The following FANK1 variants were observed in gnomAD, a reference collection of about 807,000 sequenced individuals.
The protein encoded by FANK1 is fibronectin type 3 and ankyrin repeat domains protein 1.
In FANK1, 44 loss-of-function variants were observed where a neutral mutation model predicts 45.3. The ratio of observed to expected loss-of-function variants is 0.97; its 90% CI spans 0.76 to 1.25. FANK1 has a LOEUF of 1.25. Among genes scored for constraint, FANK1 ranks in the 50% most tolerant of loss-of-function variants. FANK1 has a pLI of 0.00. For synonymous variants in FANK1, 149 were observed against 152.5 expected (o/e 0.98, Z 0.17); for missense variants, 391 against 424.4 (o/e 0.92, Z 0.69).
intron 1 of FANK1, among the ~76,000 whole-genome samples, chr10:125,960,619 C>T (rs11244728): frequency 0.37 from 55,699 of 152,020 alleles, 10,668 homozygotes; most frequent in Non-Finnish European, 0.44. Flanking sequence ...CTCCACCTCC[C>T]GGGTTCATGT....
At chr10:125,953,114 C>G (rs958133278) in intron 1 of FANK1, among the ~76,000 whole-genome samples, 2 of 152,194 alleles carry the variant, frequency 1.3e-5, no homozygotes, top group African/African-American at 2.4e-5. Flanking sequence ...GAGTTTGGGT[C>G]AGTAGGACTG....
intron 6 of FANK1, among the ~76,000 whole-genome samples, chr10:126,003,726 A>G (rs1281795875): frequency 6.6e-6 from 1 of 151,736 alleles, no homozygotes; most frequent in African/African-American, 2.4e-5. Context: ...CCCAGGTTGG[A>G]GTGCAGTGGC....
chr10:125,966,179 T>C (rs1259177176), intron 1 of FANK1, among the ~76,000 whole-genome samples: 1 of 152,212 alleles, frequency 6.6e-6, no homozygotes, highest in African/African-American at 2.4e-5. Context: ...ACTAGCAAAG[T>C]AGAGGAAAGC....
At chr10:125,988,917 T>G in intron 3 of FANK1, 1 of 626,370 alleles carries the variant, frequency 1.6e-6, no homozygotes, top group Non-Finnish European at 2.8e-6. Flanking sequence ...TTAGTAGCCA[T>G]TCAGCACAAA....
At chr10:126,006,932 G>A (rs897215034) in intron 7 of FANK1, among the ~76,000 whole-genome samples, 8 of 152,190 alleles carry the variant, frequency 5.3e-5, no homozygotes, top group Non-Finnish European at 7.3e-5. Context: ...TGGAAATGTA[G>A]GCTCTCTGGG....
intron 1 of FANK1, among the ~76,000 whole-genome samples, chr10:125,948,750 C>T (rs913544503): frequency 6.6e-5 from 10 of 151,840 alleles, no homozygotes; most frequent in African/African-American, 2.4e-4. Flanking sequence ...AAGAGGGAAT[C>T]CTCCCTAACT....
At position 125,987,110 on chromosome 10, in the gene FANK1, T is replaced by G. The variant is rs543927036; in HGVS notation, c.192-1441T>G. 7.9e-5 allele frequency among the ~76,000 whole-genome samples: 12 copies of G among 152,242 alleles called. 1 individual carries two copies. In the East Asian group the frequency reaches 1.4e-3, roughly 17 times the overall value. ...ATTTCACCCTTGCTCAGTTGTCCCT[T>G]CTTCACTGTCCTTGACTGCCCCTTT... On this transcript the variant is annotated intron_variant, in intron 2 of 10. Coordinates refer to ENST00000368693, the MANE Select transcript of FANK1 (RefSeq NM_145235.5).
At chr10:125,932,570 C>T (rs549749257) in intron 1 of FANK1, among the ~76,000 whole-genome samples, 3 of 152,142 alleles carry the variant, frequency 2.0e-5, no homozygotes, top group African/African-American at 7.2e-5. Flanking sequence ...AATCTTGCAT[C>T]GGAAAAACTT....
At chr10:125,911,788 A>G (rs1946033194) in intron 1 of FANK1, among the ~76,000 whole-genome samples, 2 of 152,316 alleles carry the variant, frequency 1.3e-5, no homozygotes, top group Admixed American at 6.5e-5. Flanking sequence ...TCATCTGCAC[A>G]ACATGGTTAG....
Position 125,997,496 on chromosome 10 carries a change from G to C in FANK1, c.539+11G>C, listed in dbSNP as rs1457126990. ...AAGTGGCAAGGACAGGTAGGAGGTG[G>C]GATATGACTGAAATTGTGCTGATGT... On this transcript the variant is annotated intron_variant, in intron 6 of 10. Transcript: ENST00000368693. 2 of 1,611,970 alleles carry C rather than the reference G, an allele frequency of 1.2e-6. No individual in the cohort carries two copies. Among genetic ancestry groups the C allele is most frequent in the Non-Finnish European group, 1.7e-6 (2 of 1,178,784 alleles).
chr10:125,940,338 CAT>C (rs1214472711), intron 1 of FANK1, among the ~76,000 whole-genome samples: 3 of 152,130 alleles, frequency 2.0e-5, no homozygotes, highest in African/African-American at 4.8e-5. Context: ...AGCAAGAAAA[CAT>C]GTGACCAAAG....
At chr10:125,897,325 TCTAA>T (rs1944628211) in intron 1 of FANK1, among the ~76,000 whole-genome samples, 3 of 152,308 alleles carry the variant, frequency 2.0e-5, no homozygotes. Context: ...AAACACGAGC[TCTAA>T]CTTACTATTT....
intron 1 of FANK1, among the ~76,000 whole-genome samples, chr10:125,912,129 A>G (rs1218501542): frequency 1.3e-5 from 2 of 152,228 alleles, no homozygotes; most frequent in African/African-American, 4.8e-5. Context: ...GGCGGGATCA[A>G]CAAACACACA....
intron 1 of FANK1, among the ~76,000 whole-genome samples, chr10:125,933,052 A>C (rs1183284749): frequency 6.6e-6 from 1 of 152,132 alleles, no homozygotes; most frequent in Non-Finnish European, 1.5e-5. Flanking sequence ...TATGAAATCC[A>C]TTTGATCATG....
rs143323097 is a variant in FANK1, at chr10:125,971,908, T to C, written c.14-8253T>C. 1.2e-4 allele frequency among the ~76,000 whole-genome samples: 18 copies of C among 152,282 alleles called. No individual in the cohort carries two copies. In the East Asian group the frequency reaches 3.5e-3, roughly 29 times the overall value. The stretch of plus-strand genomic sequence containing the variant: ...AAGTAAAGTGCTGGGATTACAGGTG[T>C]GAGCCACTGCGCCCGGCCGCTCCGG... On this transcript the variant is annotated intron_variant, in intron 1 of 10. Coordinates refer to ENST00000368693, the MANE Select transcript of FANK1 (RefSeq NM_145235.5).
chr10:125,929,839 T>A (rs1475350255), intron 1 of FANK1, among the ~76,000 whole-genome samples: 5 of 151,878 alleles, frequency 3.3e-5, no homozygotes, highest in Non-Finnish European at 2.9e-5. Flanking sequence ...GTTTACCCTC[T>A]ACTTGAGGTA....
intron 6 of FANK1, among the ~76,000 whole-genome samples, chr10:126,002,320 C>G (rs931827297): frequency 6.7e-6 from 1 of 148,878 alleles, no homozygotes; most frequent in African/African-American, 2.5e-5. Flanking sequence ...TCAAAAAAAA[C>G]AAACAAAAAG....
intron 3 of FANK1, among the ~76,000 whole-genome samples, chr10:125,991,250 GGTGTGTGTGT>G (rs113257579): frequency 1.4e-5 from 2 of 146,000 alleles, no homozygotes; most frequent in African/African-American, 2.5e-5. Context: ...GGTGACCAGG[GGTGTGTGTGT>G]GTGTGTGTGT....
At chr10:126,007,653 CAT>C (rs1476143553) in intron 7 of FANK1, among the ~76,000 whole-genome samples, 3 of 151,698 alleles carry the variant, frequency 2.0e-5, no homozygotes, top group Admixed American at 1.3e-4. Context: ...TGCACGTGCT[CAT>C]GTGTGCTTAT....
Sources: gnomAD v4.1 joint callset for allele counts (sites outside exome capture counted in the v4.1 genomes callset) on GRCh38, gnomAD v4.1.1 for gene constraint, MANE v1.5 for transcripts, NCBI Gene and HGNC (gene_info 2026-07-23, HGNC 2026-07-21) for gene names.